ASIC2: variants seen among roughly 807,000 people sequenced by gnomAD.
ASIC2 encodes acid-sensing ion channel 2.
Under a neutral mutation model 57.3 loss-of-function variants are expected in ASIC2, and 25 were observed. The ratio of observed to expected loss-of-function variants is 0.44; its 90% CI spans 0.32 to 0.61. ASIC2 has a LOEUF of 0.61. ASIC2 is among the 20% of genes least tolerant of loss of function. The probability of loss-of-function intolerance (pLI) is 0.06; values close to 1 mark genes in which losing one functional copy is unlikely to be tolerated. For missense variants in ASIC2, 641 were observed against 738.1 expected, an observed-to-expected ratio of 0.87 and a Z score of 1.52; for synonymous variants, 319 against 307.5, an observed-to-expected ratio of 1.04 and a Z score of -0.39.
chr17:33,466,580 A>G (rs1405569461), intron 1 of ASIC2, among the ~76,000 whole-genome samples: 5 of 152,192 alleles, frequency 3.3e-5, no homozygotes, highest in Non-Finnish European at 5.9e-5. Flanking sequence ...GCATCACACT[A>G]CCTGACTTGA....
chr17:33,910,999 A>G (rs1915450248), intron 1 of ASIC2, among the ~76,000 whole-genome samples: 1 of 152,218 alleles, frequency 6.6e-6, no homozygotes, highest in Non-Finnish European at 1.5e-5. Context: ...GGCAAGTGTC[A>G]GAAATGTCTT....
intron 1 of ASIC2, among the ~76,000 whole-genome samples, chr17:33,635,440 CT>C (rs1906327585): frequency 6.6e-6 from 1 of 152,208 alleles, no homozygotes; most frequent in Non-Finnish European, 1.5e-5. Context: ...GGTCATTGTA[CT>C]CTTAGGTTGG....
chr17:33,086,650 T>C (rs2092134908), intron 3 of ASIC2, among the ~76,000 whole-genome samples: 1 of 152,120 alleles, frequency 6.6e-6, no homozygotes, highest in African/African-American at 2.4e-5. Context: ...AACACTATCA[T>C]AGTTTCTAAC....
chr17:33,319,341 C>T (rs1906778990), intron 1 of ASIC2, among the ~76,000 whole-genome samples: 1 of 152,190 alleles, frequency 6.6e-6, no homozygotes, highest in Non-Finnish European at 1.5e-5. Context: ...TAGTATCCCA[C>T]ATCAGGATTG....
rs150587219 is a variant in ASIC2 at position 33,655,592 on chromosome 17, T to G, written c.555+500386A>C. Among the ~76,000 whole-genome samples, 1,191 of 152,352 alleles carry G rather than the reference T, an allele frequency of 7.8e-3. 27 individuals are homozygous for G. The highest frequency in any genetic ancestry group is 0.026 in the African/African-American group (1,100 of 41,584). On this transcript the variant is annotated intron_variant, in intron 1 of 9. Coordinates refer to the ASIC2 transcript ENST00000359872. Reference sequence around the variant, plus strand: ...GGCTAACAACTCCATCTGAACATTCTTGAATTGCTTGACTGTTCCAGGAGG... The same window carrying G: ...GGCTAACAACTCCATCTGAACATTCGTGAATTGCTTGACTGTTCCAGGAGG...
At chr17:33,106,590 T>A (rs1487027949) in intron 2 of ASIC2, among the ~76,000 whole-genome samples, 1 of 152,186 alleles carries the variant, frequency 6.6e-6, no homozygotes, top group Non-Finnish European at 1.5e-5. Flanking sequence ...CACAGGGCTG[T>A]CTGTCTAGCA....
chr17:33,922,210 G>A (rs1368325326), intron 1 of ASIC2, among the ~76,000 whole-genome samples: 1 of 152,176 alleles, frequency 6.6e-6, no homozygotes, highest in South Asian at 2.1e-4. Context: ...CTGCTTGTTA[G>A]TGGTGGAGTC....
At chr17:33,773,909 C>T (rs541777989) in intron 1 of ASIC2, among the ~76,000 whole-genome samples, 39 of 152,204 alleles carry the variant, frequency 2.6e-4, no homozygotes, top group African/African-American at 8.9e-4. Flanking sequence ...TCAAGCAATC[C>T]TCCTTTCTCA....
chr17:33,556,755 T>A (rs1915920251), intron 1 of ASIC2, among the ~76,000 whole-genome samples: 1 of 152,204 alleles, frequency 6.6e-6, no homozygotes, highest in South Asian at 2.1e-4. Context: ...TAGCCAGTGA[T>A]GACTATGATG....
At chr17:33,360,615 C>T (rs1908561378) in intron 1 of ASIC2, among the ~76,000 whole-genome samples, 1 of 152,206 alleles carries the variant, frequency 6.6e-6, no homozygotes. Flanking sequence ...GTTACCTGCT[C>T]TTGGGGCTTT....
At chr17:33,992,344 A>G (rs1906024501) in intron 1 of ASIC2, among the ~76,000 whole-genome samples, 1 of 152,206 alleles carries the variant, frequency 6.6e-6, no homozygotes, top group South Asian at 2.1e-4. Flanking sequence ...GGAAGCCATT[A>G]GAGAAAAACA....
chr17:33,317,158 T>C (rs762698612), intron 1 of ASIC2, among the ~76,000 whole-genome samples: 1 of 152,222 alleles, frequency 6.6e-6, no homozygotes, highest in Non-Finnish European at 1.5e-5. Flanking sequence ...TCAAGAAGTT[T>C]GCATGCTGTT....
chr17:33,859,204 A>G (rs1469990936), intron 1 of ASIC2, among the ~76,000 whole-genome samples: 2 of 152,228 alleles, frequency 1.3e-5, no homozygotes, highest in Non-Finnish European at 2.9e-5. Flanking sequence ...CCTCAATACC[A>G]TAAATAATGA....
chr17:33,925,618 C>T (rs942645609), intron 1 of ASIC2, among the ~76,000 whole-genome samples: 1 of 152,258 alleles, frequency 6.6e-6, no homozygotes, highest in South Asian at 2.1e-4. Context: ...GGATCCCCCA[C>T]TCCACATTCT....
rs16968566 is a variant in ASIC2 at position 33,556,463 on chromosome 17, C to T, written c.556-444396G>A. Among the ~76,000 whole-genome samples, 822 of 152,278 alleles carry T rather than the reference C, an allele frequency of 5.4e-3. 6 individuals carry two copies. Among genetic ancestry groups the T allele is most frequent in the African/African-American group, 0.019 (786 of 41,560 alleles). The stretch of plus-strand genomic sequence containing the variant: ...TTGATTTCTTTCCTGTCTCTATGAC[C>T]TTGTAATGCCAAGGAGCCACTGGAT... On this transcript the variant is annotated intron_variant, in intron 1 of 9. Coordinates refer to the ASIC2 transcript ENST00000359872.
intron 1 of ASIC2, among the ~76,000 whole-genome samples, chr17:33,218,162 T>C (rs892513910): frequency 5.9e-5 from 9 of 152,262 alleles, no homozygotes; most frequent in African/African-American, 1.9e-4. Flanking sequence ...CACAGAACTG[T>C]GGGCTGTGTT....
At chr17:33,624,718 G>A (rs1905917690) in intron 1 of ASIC2, among the ~76,000 whole-genome samples, 1 of 152,182 alleles carries the variant, frequency 6.6e-6, no homozygotes, top group African/African-American at 2.4e-5. Flanking sequence ...AATAAAGTGG[G>A]GCACTGGATG....
rs200025252 is a variant in ASIC2 at position 33,464,473 on chromosome 17, TTCTTTTCTC to T, written c.556-352415_556-352407del. Among the ~76,000 whole-genome samples the T allele has an allele frequency of 1.4e-3, 122 of 86,630 alleles. 7 individuals are homozygous for T. The highest frequency in any genetic ancestry group is 4.9e-3 in the Middle Eastern group (1 of 206). 56.8% of individuals were successfully genotyped at this position (86,630 alleles called of 152,430 possible). On this transcript the variant is annotated intron_variant, in intron 1 of 9. Transcript: ENST00000359872. ...CCTCTTTTTCTCTTTCTTTCTTTCT[TTCTTTTCTC>T]TCTTTCTTTCTTTCTTTCTTTCTTT...
At chr17:34,123,194 T>C (rs1911677839) in intron 1 of ASIC2, among the ~76,000 whole-genome samples, 1 of 152,146 alleles carries the variant, frequency 6.6e-6, no homozygotes, top group African/African-American at 2.4e-5. Flanking sequence ...ATCTGGTCTA[T>C]TAAGATTCTC....
Sources: gnomAD v4.1 joint callset for allele counts (sites outside exome capture counted in the v4.1 genomes callset) on GRCh38, gnomAD v4.1.1 for gene constraint, MANE v1.5 for transcripts, NCBI Gene and HGNC (gene_info 2026-07-23, HGNC 2026-07-21) for gene names.